The following DDI1 variants were observed in gnomAD, a reference collection of about 807,000 sequenced individuals.
The protein encoded by DDI1 is DDI proteasomal shuttling factor 1.
Under a neutral mutation model 7.2 loss-of-function variants are expected in DDI1, and 6 were observed. The ratio of observed to expected loss-of-function variants is 0.83; its 90% CI spans 0.46 to 1.64. The LOEUF is 1.64. DDI1 is among the 40% of genes most tolerant of loss of function. The pLI, the probability that DDI1 is intolerant of heterozygous loss-of-function variation, is 0.01. For missense variants in DDI1, 502 were observed against 516.6 expected, an observed-to-expected ratio of 0.97 and a Z score of 0.27; for synonymous variants, 221 against 201.7, an observed-to-expected ratio of 1.10 and a Z score of -0.81.
Position 104,036,749 on chromosome 11 carries a change from C to G in DDI1, c.-74C>G, listed in dbSNP as rs958114130. Reference sequence around the variant, plus strand: ...AAGTCCTGAGGAGCAGCGGCACCAACGACGCAGGCCCGCCCCAGCCCGCCA... The same window carrying G: ...AAGTCCTGAGGAGCAGCGGCACCAAGGACGCAGGCCCGCCCCAGCCCGCCA... On this transcript the variant is annotated 5_prime_UTR_variant, in exon 1 of 1. Transcript: ENST00000302259. 8.2e-7 allele frequency: 1 copy of G among 1,220,672 alleles called. No individual in the cohort carries two copies. The highest frequency in any genetic ancestry group is 1.5e-5 in the African/African-American group (1 of 66,410). The allele number at this position is 1,220,672 out of a possible 1,614,324, so 75.6% of individuals were successfully genotyped here. A position where few individuals can be genotyped will look rare whatever the true frequency, so the allele number is the denominator to read the frequency against.
rs374052014 is a variant in DDI1 at position 104,037,328 on chromosome 11, A to G, written c.506A>G (p.Glu169Gly). The G allele has an allele frequency of 6.8e-6, 11 of 1,613,810 alleles. No homozygotes were observed. The African/African-American group carries it at 1.3e-4, about 20-fold the overall frequency. ...LLKERNPPLA[E>G]ALLSGSLETF... is the part of the protein sequence containing the mutation. Reference sequence around the variant, plus strand: ...AAGGAACGCAACCCTCCCTTGGCGGAAGCCCTGCTCAGCGGAAGCCTTGAG... The same window carrying G: ...AAGGAACGCAACCCTCCCTTGGCGGGAGCCCTGCTCAGCGGAAGCCTTGAG... Residue 169 changes from glutamate to glycine, a missense_variant, in exon 1 of 1, where the codon GAA becomes GGA. Transcript: ENST00000302259.
chr11:104,038,148 A>G lies in DDI1; in HGVS notation c.*135A>G, dbSNP rs1173652454. 1 of 849,054 alleles carries G rather than the reference A, an allele frequency of 1.2e-6. No homozygotes were observed. The highest frequency in any genetic ancestry group is 1.8e-6 in the Non-Finnish European group (1 of 549,916). The allele number at this position is 849,054 out of a possible 1,614,324, so 52.6% of individuals were successfully genotyped here. ...CCTGGCCTTGGGACTACGTTCTCAG[A>G]TGGGTAACTAACGTCAATCCTGATT... On this transcript the variant is annotated 3_prime_UTR_variant, in exon 1 of 1. Coordinates refer to ENST00000302259, the MANE Select transcript of DDI1 (RefSeq NM_001001711.3).
At position 104,038,300 on chromosome 11, in the gene DDI1, G is replaced by C; in HGVS notation, c.*287G>C. On this transcript the variant is annotated 3_prime_UTR_variant, in exon 1 of 1. Transcript: ENST00000302259. ...AAAAGAAAACCAGCTTCTTCCTTTA[G>C]AGACACTATCCTATCAGATTACAGG... The C allele has an allele frequency of 2.7e-6, 1 of 370,460 alleles. No individual in the cohort carries two copies. The highest frequency in any genetic ancestry group is 5.3e-5 in the South Asian group (1 of 18,994). The allele number at this position is 370,460 out of a possible 1,614,324, so 22.9% of individuals were successfully genotyped here. A position where few individuals can be genotyped will look rare whatever the true frequency, so the allele number is the denominator to read the frequency against.
In DDI1 at chr11:104,037,458, C is replaced by T. The variant is rs754885095; in HGVS notation, c.636C>T (p.Ala212=). 6.2e-7 allele frequency: 1 copy of T among 1,613,990 alleles called. No individual in the cohort carries two copies. The highest frequency in any genetic ancestry group is 8.5e-7 in the Non-Finnish European group (1 of 1,180,004). The part of the protein sequence containing the change: ...TADPLDREAQ[A]KIEEEIRQQN... ...ACCCACTGGATCGGGAAGCTCAGGC[C>T]AAAATAGAAGAGGAAATCCGGCAGC... Residue 212 remains alanine, a synonymous_variant, in exon 1 of 1, where the codon GCC becomes GCT. Coordinates refer to ENST00000302259, the MANE Select transcript of DDI1 (RefSeq NM_001001711.3).
At position 104,037,724 on chromosome 11, in the gene DDI1, G is replaced by T; in HGVS notation, c.902G>T (p.Arg301Leu). 1 of 1,614,096 alleles carries T rather than the reference G, an allele frequency of 6.2e-7. No individual in the cohort carries two copies. The highest frequency in any genetic ancestry group is 1.3e-5 in the African/African-American group (1 of 75,024). Residue 301 changes from arginine to leucine, a missense_variant, in exon 1 of 1, where the codon CGT becomes CTT. Coordinates refer to ENST00000302259, the MANE Select transcript of DDI1 (RefSeq NM_001001711.3). ...GTGGGCACACAGAGAATTATTGGCC[G>T]TGTTCATCTAGCTCAGATTCAAATT... Reference protein sequence around the residue: ...KGVGTQRIIGRVHLAQIQIEG... With the variant: ...KGVGTQRIIGLVHLAQIQIEG...
rs1565317444 is a variant in DDI1, at chr11:104,037,643, A to C, written c.821A>C (p.Glu274Ala). 6.2e-7 allele frequency: 1 copy of C among 1,614,120 alleles called. No homozygotes were observed. Among genetic ancestry groups the C allele is most frequent in the Admixed American group, 1.7e-5 (1 of 60,014 alleles). ...QMTIMSQACA[E>A]RCNIMRLVDR... ...ACCATTATGAGCCAGGCTTGTGCCG[A>C]GCGATGTAACATCATGAGGCTGGTG... Residue 274 changes from glutamate (E) to alanine (A), a missense_variant, in exon 1 of 1, where the codon GAG becomes GCG. Coordinates refer to ENST00000302259, the MANE Select transcript of DDI1 (RefSeq NM_001001711.3).
Position 104,037,417 on chromosome 11 carries a change from C to A in DDI1, c.595C>A (p.Arg199Ser), listed in dbSNP as rs913967126. The part of the protein sequence containing the change: ...EKALREQERL[R>S]LYTADPLDRE... ...GGCCTTGAGAGAGCAAGAGAGGCTT[C>A]GTCTCTACACAGCCGACCCACTGGA... Residue 199 changes from arginine to serine, a missense_variant, in exon 1 of 1, where the codon CGT (arginine) becomes AGT (serine). Transcript: ENST00000302259. 6.2e-7 allele frequency: 1 copy of A among 1,613,980 alleles called. No individual in the cohort carries two copies. The highest frequency in any genetic ancestry group is 2.2e-5 in the East Asian group (1 of 44,890).
Position 104,036,924 on chromosome 11 carries a change from C to T in DDI1, c.102C>T (p.Cys34=), listed in dbSNP as rs781498269. 11 of 1,614,204 alleles carry T rather than the reference C, an allele frequency of 6.8e-6. No individual in the cohort carries two copies. Among genetic ancestry groups the T allele is most frequent in the Non-Finnish European group, 9.3e-6 (11 of 1,180,034 alleles). Residue 34 remains cysteine (C), a synonymous_variant, in exon 1 of 1, where the codon TGC becomes TGT. Transcript: ENST00000302259. ...DFELRNFKVL[C]EAESRVPVEE... ...AGCTCCGAAACTTCAAGGTCCTCTGCGAAGCGGAGTCCAGAGTCCCCGTCG... is the reference window on the plus strand; with the variant it reads ...AGCTCCGAAACTTCAAGGTCCTCTGTGAAGCGGAGTCCAGAGTCCCCGTCG...
chr11:104,037,048 CA>C lies in DDI1; in HGVS notation c.227del (p.Gln76ArgfsTer19), dbSNP rs1380026495. The C allele has an allele frequency of 6.2e-7, 1 of 1,614,126 alleles. No homozygotes were observed. Among genetic ancestry groups the C allele is most frequent in the Non-Finnish European group, 8.5e-7 (1 of 1,180,052 alleles). Reference sequence around the variant, plus strand: ...AGATGGCGATATCGTGGTTTTACTGCAGAAGGACAATGTGGGACCTCGGGCT... The same window carrying C: ...AGATGGCGATATCGTGGTTTTACTGCGAAGGACAATGTGGGACCTCGGGCT... ...LKDGDIVVLLQKDNVGPRAPG... is the reference protein window; with the variant it reads ...LKDGDIVVLLXKDNVGPRAPG... On this transcript the variant is annotated frameshift_variant, in exon 1 of 1. Transcript: ENST00000302259. LOFTEE classifies it low-confidence loss of function (END_TRUNC).
rs1157753146 is a variant in DDI1 at position 104,036,737 on chromosome 11, C to T, written c.-86C>T. 1.9e-6 allele frequency: 2 copies of T among 1,026,834 alleles called. 1 individual carries two copies. The highest frequency in any genetic ancestry group is 3.2e-5 in the African/African-American group (2 of 62,892). The allele number at this position is 1,026,834 out of a possible 1,614,324, so 63.6% of individuals were successfully genotyped here. ...TCCCTACCTACCAAGTCCTGAGGAG[C>T]AGCGGCACCAACGACGCAGGCCCGC... is the stretch of plus-strand genomic sequence containing the variant. On this transcript the variant is annotated 5_prime_UTR_variant, in exon 1 of 1. An upstream open reading frame in the 5' UTR gains an earlier in-frame stop. Transcript: ENST00000302259.
chr11:104,036,692 A>G lies in DDI1; in HGVS notation c.-131A>G. The G allele has an allele frequency of 1.4e-6, 1 of 715,792 alleles. No homozygotes were observed. The highest frequency in any genetic ancestry group is 2.4e-6 in the Non-Finnish European group (1 of 418,782). 44.3% of individuals were successfully genotyped at this position (715,792 alleles called of 1,614,324 possible). On this transcript the variant is annotated 5_prime_UTR_variant, in exon 1 of 1. Transcript: ENST00000302259. ...AGATGAGTGTCCGCGCCTCTCTGAG[A>G]GGTGAATGAGCCCGGACGGTCCCTA...
At position 104,037,059 on chromosome 11, in the gene DDI1, T is replaced by C. The variant is rs775088476; in HGVS notation, c.237T>C (p.Asn79=). ...TCGTGGTTTTACTGCAGAAGGACAA[T>C]GTGGGACCTCGGGCTCCAGGGCGTG... ...GDIVVLLQKD[N]VGPRAPGRAP... The change falls in exon 1 of 1, where the codon AAT becomes AAC. Residue 79 remains asparagine (N), a synonymous_variant. Transcript: ENST00000302259. 4 of 1,614,206 alleles carry C rather than the reference T, an allele frequency of 2.5e-6. No individual in the cohort carries two copies. The highest frequency in any genetic ancestry group is 3.4e-6 in the Non-Finnish European group (4 of 1,180,032).
chr11:104,038,802 G>A lies in DDI1; in HGVS notation c.*789G>A, dbSNP rs1314745840. On this transcript the variant is annotated 3_prime_UTR_variant, in exon 1 of 1. Transcript: ENST00000302259. ...CTTGGGAGTCAAGTTGTACAGTGGT[G>A]GGAATGAGAGGTGGGGACAGGCAGT... 1 of 166,992 alleles carries A rather than the reference G, an allele frequency of 6.0e-6. No individual in the cohort carries two copies. Among genetic ancestry groups the A allele is most frequent in the Non-Finnish European group, 1.5e-5 (1 of 68,084 alleles). 10.3% of individuals were successfully genotyped at this position (166,992 alleles called of 1,614,324 possible).
Position 104,037,479 on chromosome 11 carries a change from G to C in DDI1, c.657G>C (p.Arg219=), listed in dbSNP as rs1565317330. 2 of 1,614,122 alleles carry C rather than the reference G, an allele frequency of 1.2e-6. No individual in the cohort carries two copies. The highest frequency in any genetic ancestry group is 3.3e-5 in the Admixed American group (2 of 60,028). Residue 219 remains arginine (R), a synonymous_variant, in exon 1 of 1, where the codon CGG becomes CGC. Transcript: ENST00000302259. ...EAQAKIEEEI[R]QQNIEENMNI... Reference sequence around the variant, plus strand: ...AGGCCAAAATAGAAGAGGAAATCCGGCAGCAAAACATTGAAGAAAACATGA... The same window carrying C: ...AGGCCAAAATAGAAGAGGAAATCCGCCAGCAAAACATTGAAGAAAACATGA...
Position 104,038,658 on chromosome 11 carries a change from A to C in DDI1, c.*645A>C, listed in dbSNP as rs1387468811. Reference sequence around the variant, plus strand: ...AAGACTATTTTTGCCATATTTGAGAAAGTGGATTTATCTCCAAGGATGCTA... The same window carrying C: ...AAGACTATTTTTGCCATATTTGAGACAGTGGATTTATCTCCAAGGATGCTA... On this transcript the variant is annotated 3_prime_UTR_variant, in exon 1 of 1. Transcript: ENST00000302259. 5 of 167,052 alleles carry C rather than the reference A, an allele frequency of 3.0e-5. No homozygotes were observed. The highest frequency in any genetic ancestry group is 1.2e-4 in the African/African-American group (5 of 41,454). The allele number at this position is 167,052 out of a possible 1,614,324, so 10.3% of individuals were successfully genotyped here. A position where few individuals can be genotyped will look rare whatever the true frequency, so the allele number is the denominator to read the frequency against.
In DDI1 at chr11:104,037,561, A is replaced by C; in HGVS notation, c.739A>C (p.Asn247His). 1 of 1,614,022 alleles carries C rather than the reference A, an allele frequency of 6.2e-7. No homozygotes were observed. Among genetic ancestry groups the C allele is most frequent in the Non-Finnish European group, 8.5e-7 (1 of 1,180,004 alleles). ...TGGACAAGTGACGATGCTCTACATTAACTGCAAAGTGAATGGGCATCCTTT... is the reference window on the plus strand; with the variant it reads ...TGGACAAGTGACGATGCTCTACATTCACTGCAAAGTGAATGGGCATCCTTT... ...SFGQVTMLYI[N>H]CKVNGHPLKA... Residue 247 changes from asparagine to histidine, a missense_variant, in exon 1 of 1, where the codon AAC becomes CAC. By Grantham distance (68) the Asn-to-His change is moderately conservative (BLOSUM62 1). Coordinates refer to ENST00000302259, the MANE Select transcript of DDI1 (RefSeq NM_001001711.3).
chr11:104,037,223 T>C lies in DDI1; in HGVS notation c.401T>C (p.Val134Ala). ...RSQGLASGEK[V>A]AGLQGLGSPA... ...CAGGGCTTGGCGTCAGGAGAGAAGG[T>C]GGCCGGCCTGCAAGGTCTGGGCAGC... Residue 134 changes from valine to alanine, a missense_variant, in exon 1 of 1, where the codon GTG (valine) becomes GCG (alanine). Coordinates refer to ENST00000302259, the MANE Select transcript of DDI1 (RefSeq NM_001001711.3). 1 of 1,613,670 alleles carries C rather than the reference T, an allele frequency of 6.2e-7. No individual in the cohort carries two copies. The highest frequency in any genetic ancestry group is 1.3e-5 in the African/African-American group (1 of 75,054).
Position 104,036,642 on chromosome 11 carries a change from T to A in DDI1, c.-181T>A. 3.3e-6 allele frequency: 2 copies of A among 609,340 alleles called. No homozygotes were observed. Among genetic ancestry groups the A allele is most frequent in the Non-Finnish European group, 5.8e-6 (2 of 343,414 alleles). The allele number at this position is 609,340 out of a possible 1,614,324, so 37.7% of individuals were successfully genotyped here. A position where few individuals can be genotyped will look rare whatever the true frequency, so the allele number is the denominator to read the frequency against. On this transcript the variant is annotated 5_prime_UTR_variant, in exon 1 of 1. Transcript: ENST00000302259. ...CTCCACCTGGCCACACAGCAGGCAC[T>A]GAGGCTGGGAGACAGCCCCCAGACA...
Position 104,037,515 on chromosome 11 carries a change from A to G in DDI1, c.693A>G (p.Ile231Met). Reference protein sequence around the residue: ...QNIEENMNIAIEEAPESFGQV... With the variant: ...QNIEENMNIAMEEAPESFGQV... ...TTGAAGAAAACATGAATATAGCGATAGAAGAGGCCCCCGAGAGTTTTGGAC... is the reference window on the plus strand; with the variant it reads ...TTGAAGAAAACATGAATATAGCGATGGAAGAGGCCCCCGAGAGTTTTGGAC... The change falls in exon 1 of 1, where the codon ATA (isoleucine) becomes ATG (methionine). Residue 231 changes from isoleucine to methionine, a missense_variant. By Grantham distance (10) the Ile-to-Met change is conservative (BLOSUM62 1). Transcript: ENST00000302259. 1 of 1,614,172 alleles carries G rather than the reference A, an allele frequency of 6.2e-7. No homozygotes were observed. The highest frequency in any genetic ancestry group is 8.5e-7 in the Non-Finnish European group (1 of 1,180,028).
Sources: allele counts gnomAD v4.1 joint callset, GRCh38; gene constraint gnomAD v4.1.1; transcripts MANE v1.5; gene names NCBI Gene and HGNC (gene_info 2026-07-23, HGNC 2026-07-21).